PNPLA7: variants seen among roughly 807,000 people sequenced by gnomAD.
The protein encoded by PNPLA7 is patatin like domain 7, lysophospholipase, also known as patatin-like phospholipase domain-containing protein 7.
PNPLA7 carries 153 observed loss-of-function variants against 161.7 expected under a neutral mutation model. The observed-to-expected ratio is 0.95, with a 90% CI of 0.83 to 1.08. The LOEUF is 1.08. Ranked by LOEUF, PNPLA7 falls within the 50% of genes least tolerant of loss-of-function variation. The pLI, the probability that PNPLA7 is intolerant of heterozygous loss-of-function variation, is 0.00. For missense variants in PNPLA7, 1,739 were observed against 1,856.6 expected (o/e 0.94, Z 1.16); for synonymous variants, 809 against 782.1 (o/e 1.03, Z -0.57).
At chr9:137,497,160 G>A in intron 18 of PNPLA7, 27 bp downstream of exon 18, 1 of 1,521,060 alleles carries the variant, frequency 6.6e-7, no homozygotes, top group Non-Finnish European at 8.8e-7. Context: ...AGAGGTGGGG[G>A]AGGCAGGAGC....
At chr9:137,482,612 C>G (rs79666259) in intron 21 of PNPLA7, among the ~76,000 whole-genome samples, 4,152 of 152,356 alleles carry the variant, frequency 0.027, 174 homozygotes, top group African/African-American at 0.094. Context: ...GCAGGGTCTC[C>G]TCCGTGACAG....
At chr9:137,504,532 T>G (rs752044750) in intron 14 of PNPLA7, among the ~76,000 whole-genome samples, 24 of 152,170 alleles carry the variant, frequency 1.6e-4, no homozygotes, top group Non-Finnish European at 1.5e-4. Flanking sequence ...ATTTAAGAGA[T>G]AGATCAGCCC....
intron 17 of PNPLA7, among the ~76,000 whole-genome samples, chr9:137,497,809 G>A (rs1297801961): frequency 6.6e-6 from 1 of 152,232 alleles, no homozygotes; most frequent in Admixed American, 6.5e-5. Context: ...TGACACGCGT[G>A]AGCCACCACG....
Position 137,460,267 on chromosome 9 carries a change from T to C in PNPLA7, c.*126A>G. ...AGGCCCAGAGAACCCTAACACAGCC[T>C]GGGGCCCCGGGGAAGTCAGGGCTTC... On this transcript the variant is annotated 3_prime_UTR_variant, in exon 35 of 35. Transcript: ENST00000406427. 1 of 962,944 alleles carries C rather than the reference T, an allele frequency of 1.0e-6. No individual in the cohort carries two copies. Among genetic ancestry groups the C allele is most frequent in the Non-Finnish European group, 1.5e-6 (1 of 653,448 alleles). 59.6% of individuals were successfully genotyped at this position (962,944 alleles called of 1,614,324 possible).
intron 8 of PNPLA7, among the ~76,000 whole-genome samples, chr9:137,533,234 G>A (rs181330264): frequency 6.6e-4 from 87 of 132,030 alleles, no homozygotes; most frequent in Middle Eastern, 6.0e-3. Context: ...TCCACTCCAG[G>A]CGGGAGGACT....
Position 137,543,999 on chromosome 9 carries a change from C to T in PNPLA7, c.274-184G>A, listed in dbSNP as rs1487570948. 1.3e-5 allele frequency among the ~76,000 whole-genome samples: 2 copies of T among 152,192 alleles called. No individual in the cohort carries two copies. Among genetic ancestry groups the T allele is most frequent in the Non-Finnish European group, 2.9e-5 (2 of 68,024 alleles). On this transcript the variant is annotated intron_variant, in intron 4 of 34. Transcript: ENST00000406427. The surrounding 1 kb of genome is among the most constrained non-coding windows in gnomAD (Gnocchi z 6.9). ...CTGTGAGGGAATGTTGGCAGCGATA[C>T]AGCCCCACACATCCTTGGGATCGTC...
Position 137,524,352 on chromosome 9 carries a change from C to A in PNPLA7, c.748-1495G>T, listed in dbSNP as rs776498327. Among the ~76,000 whole-genome samples, 2 of 151,200 alleles carry A rather than the reference C, an allele frequency of 1.3e-5. No individual in the cohort carries two copies. Among genetic ancestry groups the A allele is most frequent in the Non-Finnish European group, 3.0e-5 (2 of 67,712 alleles). ...CCATTCAGCAGTCGAGATTCCCCCA[C>A]GGTGGCGCGTCTGCCAGAGGCCTGT... On this transcript the variant is annotated intron_variant, in intron 8 of 34. Transcript: ENST00000406427. This position sits in a 1 kb window ranked among gnomAD's most constrained non-coding sequence, Gnocchi z 4.4.
At position 137,467,079 on chromosome 9, in the gene PNPLA7, G is replaced by A. The variant is rs529788520; in HGVS notation, c.3039+238C>T. ...ACAGATCAGACCACCTCCCACCACCGTCTCCACCAACTCAGACCTGGGCAC... is the reference window on the plus strand; with the variant it reads ...ACAGATCAGACCACCTCCCACCACCATCTCCACCAACTCAGACCTGGGCAC... On this transcript the variant is annotated intron_variant, in intron 26 of 34. Coordinates refer to ENST00000406427, the MANE Select transcript of PNPLA7 (RefSeq NM_001098537.3). The surrounding 1 kb of genome is among the most constrained non-coding windows in gnomAD (Gnocchi z 5.1). 3.1e-4 allele frequency among the ~76,000 whole-genome samples: 46 copies of A among 149,798 alleles called. No individual in the cohort carries two copies. The highest frequency in any genetic ancestry group is 5.8e-4 in the Non-Finnish European group (39 of 67,354).
intron 14 of PNPLA7, among the ~76,000 whole-genome samples, chr9:137,502,428 C>A (rs964496875): frequency 6.6e-6 from 1 of 151,114 alleles, no homozygotes; most frequent in Non-Finnish European, 1.5e-5. Context: ...AGGCAGCTCC[C>A]CCCCAAAAGA....
At chr9:137,487,297 G>A (rs761159738) in intron 20 of PNPLA7, among the ~76,000 whole-genome samples, 6 of 152,258 alleles carry the variant, frequency 3.9e-5, no homozygotes, top group Admixed American at 6.5e-5. Context: ...CGCTGGAGAC[G>A]TGCAGAGGCA....
intron 12 of PNPLA7, among the ~76,000 whole-genome samples, chr9:137,507,525 C>T (rs973345836): frequency 6.6e-6 from 1 of 152,086 alleles, no homozygotes; most frequent in Non-Finnish European, 1.5e-5. Flanking sequence ...CAAAATTAGC[C>T]GGGCGTGGTG....
intron 12 of PNPLA7, among the ~76,000 whole-genome samples, chr9:137,511,002 A>G (rs1333713863): frequency 6.6e-6 from 1 of 152,272 alleles, no homozygotes; most frequent in Non-Finnish European, 1.5e-5. Flanking sequence ...AAGAAAAACC[A>G]GGCCACACAG....
chr9:137,462,265 C>T lies in PNPLA7; in HGVS notation c.3559G>A (p.Val1187Met). The change falls in exon 31 of 35, where the codon GTG becomes ATG. Residue 1187 changes from valine to methionine, a missense_variant. Physicochemically the swap from Val to Met is conservative, Grantham distance 21. Transcript: ENST00000406427. ...YVCCVRQLEV[V>M]KSSDYCEYLR... is the part of the protein sequence containing the mutation. ...TACTCGCAGTAGTCACTGCTCTTCACCACCTCCAGCTGCCGCACGCAACAC... is the reference window on the plus strand; with the variant it reads ...TACTCGCAGTAGTCACTGCTCTTCATCACCTCCAGCTGCCGCACGCAACAC... 1 of 1,611,970 alleles carries T rather than the reference C, an allele frequency of 6.2e-7. No individual in the cohort carries two copies. The highest frequency in any genetic ancestry group is 8.5e-7 in the Non-Finnish European group (1 of 1,179,326).
intron 10 of PNPLA7, among the ~76,000 whole-genome samples, chr9:137,521,194 G>A (rs1834973487): frequency 6.6e-6 from 1 of 152,194 alleles, no homozygotes; most frequent in African/African-American, 2.4e-5. Flanking sequence ...GCAGCCTGCA[G>A]GGCCAGAAAG....
chr9:137,464,755 C>T (rs997729439), intron 26 of PNPLA7: 17 of 409,678 alleles, frequency 4.1e-5, no homozygotes, highest in African/African-American at 2.6e-4. Flanking sequence ...GGGGCCTCCT[C>T]GGCTTTGCCT....
At position 137,488,715 on chromosome 9, in the gene PNPLA7, T is replaced by TC. The variant is rs980534990; in HGVS notation, c.2198-3980dup. Among the ~76,000 whole-genome samples, 48 of 133,128 alleles carry TC rather than the reference T, an allele frequency of 3.6e-4. No homozygotes were observed. In the East Asian group the frequency reaches 9.0e-3, roughly 25 times the overall value. The allele number at this position is 133,128 out of a possible 152,430, so 87.3% of individuals were successfully genotyped here. A position where few individuals can be genotyped will look rare whatever the true frequency, so the allele number is the denominator to read the frequency against. On this transcript the variant is annotated intron_variant, in intron 20 of 34. Coordinates refer to ENST00000406427, the MANE Select transcript of PNPLA7 (RefSeq NM_001098537.3). ...GGCACCAAGCAAGCACCAGCAGACA[T>TC]CCCCCCCCAACTGTGCACCCCCCGA... is the stretch of plus-strand genomic sequence containing the variant.
chr9:137,542,211 G>GT (rs1465260166), intron 7 of PNPLA7, among the ~76,000 whole-genome samples: 1 of 152,204 alleles, frequency 6.6e-6, no homozygotes, highest in African/African-American at 2.4e-5. Context: ...CCTCATGCCT[G>GT]TAATTCCAGT....
chr9:137,521,017 C>T (rs1365577556), intron 10 of PNPLA7, among the ~76,000 whole-genome samples: 1 of 151,492 alleles, frequency 6.6e-6, no homozygotes, highest in African/African-American at 2.4e-5. Context: ...TGTAGGGACC[C>T]CATGGGACGG....
rs2132474704 is a variant in PNPLA7, at chr9:137,520,280, A to G, written c.958-237T>C. 6.6e-6 allele frequency among the ~76,000 whole-genome samples: 1 copy of G among 152,292 alleles called. No homozygotes were observed. Among genetic ancestry groups the G allele is most frequent in the South Asian group, 2.1e-4 (1 of 4,820 alleles). ...TTAAGCTACATTTCAGGCAATGGAA[A>G]GAGGCCGATCATCAACCCAGAAATC... On this transcript the variant is annotated intron_variant, in intron 10 of 34. Coordinates refer to ENST00000406427, the MANE Select transcript of PNPLA7 (RefSeq NM_001098537.3). This position sits in a 1 kb window ranked among gnomAD's most constrained non-coding sequence, Gnocchi z 5.2.
Sources: allele counts gnomAD v4.1 joint callset (sites outside exome capture counted in the v4.1 genomes callset), GRCh38; gene constraint gnomAD v4.1.1; non-coding constraint Gnocchi (gnomAD v3.1); transcripts MANE v1.5; gene names NCBI Gene and HGNC (gene_info 2026-07-23, HGNC 2026-07-21).